Variants in DNAH11 observed in about 807,000 individuals in gnomAD.
The protein encoded by DNAH11 is axonemal beta dynein heavy chain 11.
Under a neutral mutation model 526.0 loss-of-function variants are expected in DNAH11, and 442 were observed. The ratio of observed to expected loss-of-function variants is 0.84; its 90% CI spans 0.78 to 0.91. The LOEUF (loss-of-function observed/expected upper bound fraction) is 0.91. Ranked by LOEUF, DNAH11 falls within the 40% of genes least tolerant of loss-of-function variation. The pLI is 0.00. For missense variants in DNAH11, 6,989 were observed against 5,448.7 expected (o/e 1.28, Z -8.90); for synonymous variants, 2,461 against 1,935.9 (o/e 1.27, Z -7.12).
Position 21,601,453 on chromosome 7 carries a change from A to G in DNAH11, c.3483A>G (p.Leu1161=). The G allele has an allele frequency of 6.2e-7, 1 of 1,613,810 alleles. No individual in the cohort carries two copies. Residue 1161 remains leucine, a synonymous_variant, in exon 18 of 82, where the codon TTA becomes TTG. Transcript: ENST00000409508. The stretch of plus-strand genomic sequence containing the variant: ...CAGATTCCGGACTTCAGAGAGAATT[A>G]AATGAAGGTGATCATGATGGTTTAG... ...KETDSGLQRE[L]NEGDHDGLVD...
At chr7:21,738,919 A>G in intron 47 of DNAH11, 53 bp downstream of exon 47, 1 of 1,370,398 alleles carries the variant, frequency 7.3e-7, no homozygotes, top group Non-Finnish European at 9.8e-7. Flanking sequence ...ATTATTATGG[A>G]TAATAATTAC....
chr7:21,676,785 G>A (rs895194529), intron 30 of DNAH11, among the ~76,000 whole-genome samples: 1 of 152,194 alleles, frequency 6.6e-6, no homozygotes, highest in African/African-American at 2.4e-5. Context: ...ACCAAATACT[G>A]GTAGTGGTGT....
intron 59 of DNAH11, 46 bp from the exon 60 acceptor site, chr7:21,787,355 C>G: frequency 6.5e-7 from 1 of 1,542,554 alleles, no homozygotes. Flanking sequence ...GGAATTTTCT[C>G]TGCAGCCAAA....
intron 30 of DNAH11, among the ~76,000 whole-genome samples, chr7:21,676,078 G>A (rs1782870003): frequency 6.6e-6 from 1 of 152,150 alleles, no homozygotes; most frequent in African/African-American, 2.4e-5. Context: ...GGTTAGTGAA[G>A]TGAGATAGGA....
Position 21,698,106 on chromosome 7 carries a change from C to G in DNAH11, c.6073C>G (p.Leu2025Val), listed in dbSNP as rs368561050. 24 of 1,613,276 alleles carry G rather than the reference C, an allele frequency of 1.5e-5. No homozygotes were observed. Among genetic ancestry groups the G allele is most frequent in the Non-Finnish European group, 1.6e-5 (19 of 1,179,660 alleles). The change falls in exon 36 of 82, where the codon CTA becomes GTA. Residue 2025 changes from leucine to valine, a missense_variant. By Grantham distance (32) the Leu-to-Val change is conservative. Coordinates refer to ENST00000409508, the MANE Select transcript of DNAH11 (RefSeq NM_001277115.2). ...PCAMVAPDIE[L>V]ICEILLVAEG... The stretch of plus-strand genomic sequence containing the variant: ...TGCCATGGTGGCCCCTGACATTGAG[C>G]TAATCTGTGAAATCTTGTTAGTTGC...
At chr7:21,837,196 A>G (rs974577892) in intron 65 of DNAH11, among the ~76,000 whole-genome samples, 8 of 152,150 alleles carry the variant, frequency 5.3e-5, no homozygotes, top group Admixed American at 4.6e-4. Flanking sequence ...ATTCCTCGAA[A>G]AACTAAGAAC....
chr7:21,724,958 G>C (rs937596230), intron 44 of DNAH11, among the ~76,000 whole-genome samples: 17 of 152,156 alleles, frequency 1.1e-4, no homozygotes, highest in Middle Eastern at 3.2e-3. Context: ...ACTGGGACAG[G>C]TCATCCTGTA....
chr7:21,619,615 A>G (rs965909943), intron 24 of DNAH11, among the ~76,000 whole-genome samples: 6 of 152,224 alleles, frequency 3.9e-5, no homozygotes, highest in Admixed American at 6.5e-5. Flanking sequence ...ACTGAGATTC[A>G]TTCACATTTG....
At chr7:21,553,340 G>T (rs1369650884) in intron 2 of DNAH11, among the ~76,000 whole-genome samples, 1 of 151,888 alleles carries the variant, frequency 6.6e-6, no homozygotes. Context: ...AGTTTGTTTT[G>T]GTCCCAATCT....
At chr7:21,749,072 T>C (rs1305832363) in intron 52 of DNAH11, among the ~76,000 whole-genome samples, 1 of 152,130 alleles carries the variant, frequency 6.6e-6, no homozygotes, top group East Asian at 1.9e-4. Context: ...TGTTCCTGTA[T>C]GATAGGTTGG....
chr7:21,891,751 G>C (rs1442024162), intron 76 of DNAH11, among the ~76,000 whole-genome samples: 1 of 152,136 alleles, frequency 6.6e-6, no homozygotes, highest in Non-Finnish European at 1.5e-5. Flanking sequence ...CTCAGGGTCT[G>C]TGGATCCTAA....
Position 21,901,259 on chromosome 7 carries a change from A to C in DNAH11, c.*5A>C. On this transcript the variant is annotated 3_prime_UTR_variant, in exon 82 of 82. Coordinates refer to ENST00000409508, the MANE Select transcript of DNAH11 (RefSeq NM_001277115.2). ...GCTCTGCTTCTAGAAGCGTAAGGTA[A>C]CACTGGCATTCCTCTAGCCTCTGCT... 1 of 1,598,026 alleles carries C rather than the reference A, an allele frequency of 6.3e-7. No homozygotes were observed.
rs1784826031 is a variant in DNAH11, at chr7:21,901,315, CTGCACTGTTCCCATGCACATTA to C, written c.*63_*84del. ...GCAGTGAGGATTTTCTAGCATGTTG[CTGCACTGTTCCCATGCACATTA>C]TTCTAACTTTTTAGTAACTCACACG... On this transcript the variant is annotated 3_prime_UTR_variant, in exon 82 of 82. Transcript: ENST00000409508. 6.6e-7 allele frequency: 1 copy of C among 1,513,872 alleles called. No homozygotes were observed. The highest frequency in any genetic ancestry group is 1.4e-5 in the African/African-American group (1 of 71,988). 93.8% of individuals were successfully genotyped at this position (1,513,872 alleles called of 1,614,324 possible).
At chr7:21,569,084 C>T (rs1783780520) in intron 6 of DNAH11, among the ~76,000 whole-genome samples, 1 of 152,090 alleles carries the variant, frequency 6.6e-6, no homozygotes, top group African/African-American at 2.4e-5. Flanking sequence ...TTCCTTATTG[C>T]CTTACAAATT....
intron 65 of DNAH11, among the ~76,000 whole-genome samples, chr7:21,840,205 A>T (rs892341672): frequency 2.6e-5 from 4 of 152,226 alleles, no homozygotes; most frequent in African/African-American, 7.2e-5. Flanking sequence ...ACATTTCGAT[A>T]AAAAGGAGCC....
intron 55 of DNAH11, among the ~76,000 whole-genome samples, chr7:21,773,330 C>T (rs1205574848): frequency 7.0e-6 from 1 of 143,378 alleles, no homozygotes; most frequent in Non-Finnish European, 1.5e-5. Flanking sequence ...CTGTGAGTTT[C>T]TAAGTTTTGG....
chr7:21,640,397 A>C (rs1008938706), intron 28 of DNAH11, among the ~76,000 whole-genome samples: 5 of 152,158 alleles, frequency 3.3e-5, no homozygotes, highest in Admixed American at 6.5e-5. Context: ...GTATTTCACA[A>C]AAGTACGTGT....
intron 2 of DNAH11, among the ~76,000 whole-genome samples, chr7:21,555,260 CTAGA>C (rs952861065): frequency 1.3e-5 from 2 of 152,174 alleles, no homozygotes; most frequent in African/African-American, 4.8e-5. Flanking sequence ...GGTCTTTAGG[CTAGA>C]TAAACAGCAA....
intron 44 of DNAH11, among the ~76,000 whole-genome samples, chr7:21,722,438 T>C (rs1258033212): frequency 6.6e-6 from 1 of 152,206 alleles, no homozygotes; most frequent in Non-Finnish European, 1.5e-5. Context: ...GGCATTTACA[T>C]TGAAAGGCAT....
Sources: gnomAD v4.1 joint callset for allele counts (sites outside exome capture counted in the v4.1 genomes callset) on GRCh38, gnomAD v4.1.1 for gene constraint, MANE v1.5 for transcripts, NCBI Gene and HGNC (gene_info 2026-07-23, HGNC 2026-07-21) for gene names.